The following RAB6A variants were observed in gnomAD, a reference collection of about 807,000 sequenced individuals.
RAB6A encodes ras-related protein Rab-6A.
In RAB6A, 8 loss-of-function variants were observed where a neutral mutation model predicts 32.3. The observed-to-expected ratio is 0.25, with a 90% confidence interval of 0.15 to 0.45. The LOEUF is 0.45. Ranked by LOEUF, RAB6A falls within the 20% of genes least tolerant of loss-of-function variation. The pLI is 1.00. For missense variants in RAB6A, 104 were observed against 249.4 expected (o/e 0.42, Z 3.93); for synonymous variants, 73 against 82.1 (o/e 0.89, Z 0.60).
intron 6 of RAB6A, among the ~76,000 whole-genome samples, chr11:73,696,185 T>G (rs544377843): frequency 1.3e-5 from 2 of 152,244 alleles, no homozygotes; most frequent in South Asian, 4.1e-4. Flanking sequence ...TCATTATTTG[T>G]GGACTTTTGA....
chr11:73,683,744 G>T (rs1307438417), intron 6 of RAB6A, among the ~76,000 whole-genome samples: 1 of 151,754 alleles, frequency 6.6e-6, no homozygotes, highest in Non-Finnish European at 1.5e-5. Flanking sequence ...GTAGAGATGG[G>T]GTTTCACCAT....
chr11:73,709,049 CTGTT>C (rs771722801), intron 5 of RAB6A, among the ~76,000 whole-genome samples: 3 of 152,154 alleles, frequency 2.0e-5, no homozygotes, highest in Non-Finnish European at 4.4e-5. Context: ...TTTTAAAAAA[CTGTT>C]TGAGAGTAAA....
At chr11:73,690,266 T>C (rs1035680830) in intron 6 of RAB6A, among the ~76,000 whole-genome samples, 2 of 152,230 alleles carry the variant, frequency 1.3e-5, no homozygotes, top group Non-Finnish European at 2.9e-5. Flanking sequence ...CTCCTTGGAA[T>C]ACCCTCCCAG....
rs1455176485 is a variant in RAB6A at position 73,739,657 on chromosome 11, T to C, written c.71-8834A>G. ...GGGCCTCAAGAAAACCGAGGGATAT[T>C]AATTTAAAAGATAAGTTTTATAAGT... On this transcript the variant is annotated intron_variant, in intron 1 of 7. Transcript: ENST00000336083. Among the ~76,000 whole-genome samples, 6 of 152,024 alleles carry C rather than the reference T, an allele frequency of 3.9e-5. No homozygotes were observed. In the South Asian group the frequency reaches 1.0e-3, roughly 26 times the overall value.
chr11:73,722,063 A>ATATATATATTTTTTTTTTTTTTT (rs1475291151), intron 2 of RAB6A, among the ~76,000 whole-genome samples: 10 of 146,156 alleles, frequency 6.8e-5, no homozygotes, highest in South Asian at 2.1e-4. Flanking sequence ...CATGATTGTA[A>ATATATATATTTTTTTTTTTTTTT]GTTTCCTGAG....
intron 1 of RAB6A, among the ~76,000 whole-genome samples, chr11:73,747,565 GT>G: frequency 6.6e-6 from 1 of 151,360 alleles, no homozygotes; most frequent in South Asian, 2.1e-4. Flanking sequence ...GAAATTAACA[GT>G]GATATAATGT....
intron 4 of RAB6A, among the ~76,000 whole-genome samples, chr11:73,718,114 AAG>A (rs1946078253): frequency 6.6e-6 from 1 of 152,224 alleles, no homozygotes; most frequent in South Asian, 2.1e-4. Context: ...TCAAATAAAA[AAG>A]ATTAATAGAA....
intron 6 of RAB6A, among the ~76,000 whole-genome samples, chr11:73,684,500 C>T (rs1945410325): frequency 6.6e-6 from 1 of 152,136 alleles, no homozygotes; most frequent in African/African-American, 2.4e-5. Flanking sequence ...AGACATAATG[C>T]TATTAATAGA....
At chr11:73,719,710 G>C (rs1946107069) in intron 3 of RAB6A, among the ~76,000 whole-genome samples, 1 of 151,546 alleles carries the variant, frequency 6.6e-6, no homozygotes, top group Admixed American at 6.6e-5. Context: ...CTGCCTCCCG[G>C]GTTCAAACGA....
intron 6 of RAB6A, among the ~76,000 whole-genome samples, chr11:73,701,640 T>C (rs1479334894): frequency 1.3e-5 from 2 of 152,110 alleles, no homozygotes; most frequent in Non-Finnish European, 2.9e-5. Flanking sequence ...GGGACATTTC[T>C]TTTTTCTTTC....
intron 4 of RAB6A, among the ~76,000 whole-genome samples, chr11:73,717,595 C>T (rs56070436): frequency 5.9e-5 from 9 of 152,162 alleles, no homozygotes; most frequent in African/African-American, 2.2e-4. Flanking sequence ...CAGGCATGCA[C>T]CACCACACCT....
At chr11:73,757,743 T>C (rs1476941529) in intron 1 of RAB6A, among the ~76,000 whole-genome samples, 1 of 152,168 alleles carries the variant, frequency 6.6e-6, no homozygotes, top group Non-Finnish European at 1.5e-5. Context: ...AATCAAATGA[T>C]GTAAGTTTTA....
intron 6 of RAB6A, among the ~76,000 whole-genome samples, chr11:73,687,318 T>A (rs937073243): frequency 1.1e-4 from 17 of 152,190 alleles, no homozygotes; most frequent in African/African-American, 3.9e-4. Context: ...ATTTTTGCAC[T>A]ATAGTGTGAA....
chr11:73,728,666 G>A (rs2134968593), intron 2 of RAB6A, among the ~76,000 whole-genome samples: 1 of 121,710 alleles, frequency 8.2e-6, no homozygotes, highest in Admixed American at 9.1e-5. Context: ...AAAAATAATA[G>A]TGTATATCTT....
At chr11:73,739,284 A>AAAATATATAT (rs1208877325) in intron 1 of RAB6A, among the ~76,000 whole-genome samples, 9 of 6,744 alleles carry the variant, frequency 1.3e-3, no homozygotes, top group South Asian at 0.015. Context: ...AAAAAAAAAA[A>AAAATATATAT]ATATATATAT....
At chr11:73,723,134 G>A (rs1295717715) in intron 2 of RAB6A, among the ~76,000 whole-genome samples, 1 of 151,964 alleles carries the variant, frequency 6.6e-6, no homozygotes. Flanking sequence ...TATTAAGCAC[G>A]TACTTGCAAG....
At chr11:73,717,191 C>A (rs997535870) in intron 4 of RAB6A, among the ~76,000 whole-genome samples, 3 of 152,096 alleles carry the variant, frequency 2.0e-5, no homozygotes, top group Admixed American at 6.6e-5. Context: ...TCCTTGAATG[C>A]AATCTTCTAA....
intron 2 of RAB6A, among the ~76,000 whole-genome samples, chr11:73,724,219 T>C (rs574151462): frequency 1.3e-5 from 2 of 152,264 alleles, no homozygotes; most frequent in East Asian, 1.9e-4. Context: ...GAAAAAGATA[T>C]CCCACTGAAC....
chr11:73,748,872 T>A (rs372783458), intron 1 of RAB6A, among the ~76,000 whole-genome samples: 73 of 152,178 alleles, frequency 4.8e-4, no homozygotes, highest in African/African-American at 1.7e-3. Flanking sequence ...CACCTGTAAT[T>A]CCAACACTTT....
Sources: gnomAD v4.1 joint callset for allele counts (sites outside exome capture counted in the v4.1 genomes callset) on GRCh38, gnomAD v4.1.1 for gene constraint, MANE v1.5 for transcripts, NCBI Gene and HGNC (gene_info 2026-07-23, HGNC 2026-07-21) for gene names.